PTPRF: variants seen among roughly 807,000 people sequenced by gnomAD.
PTPRF encodes the protein protein tyrosine phosphatase receptor type F.
PTPRF carries 59 observed loss-of-function variants against 201.8 expected under a neutral mutation model. The ratio of observed to expected loss-of-function variants is 0.29; its 90% confidence interval spans 0.24 to 0.36. PTPRF has a LOEUF of 0.36. Among genes scored for constraint, PTPRF ranks in the 10% least tolerant of loss-of-function variants. The pLI, the probability that PTPRF is intolerant of heterozygous loss-of-function variation, is 1.00. For synonymous variants in PTPRF, 1,088 were observed against 1,089.7 expected, an observed-to-expected ratio of 1.00 and a Z score of 0.03; for missense variants, 2,132 against 2,690.5, an observed-to-expected ratio of 0.79 and a Z score of 4.59.
intron 8 of PTPRF, among the ~76,000 whole-genome samples, chr1:43,589,912 T>A (rs1650213159): frequency 6.6e-6 from 1 of 151,874 alleles, no homozygotes; most frequent in Admixed American, 6.5e-5. Context: ...CCGCTGCAAT[T>A]CTCAACAGCC....
At chr1:43,559,786 AGT>A (rs1003792029) in intron 5 of PTPRF, among the ~76,000 whole-genome samples, 8 of 127,976 alleles carry the variant, frequency 6.3e-5, no homozygotes, top group Non-Finnish European at 1.3e-4. Flanking sequence ...TGCAGCAGGC[AGT>A]GTGTTTATCA....
intron 19 of PTPRF, among the ~76,000 whole-genome samples, chr1:43,605,930 G>A (rs1032477078): frequency 2.0e-5 from 3 of 152,202 alleles, no homozygotes; most frequent in African/African-American, 7.2e-5. Flanking sequence ...GCTATGGAGG[G>A]CTTAGTGAGC....
intron 23 of PTPRF, 84 bp from the exon 24 acceptor site, chr1:43,617,361 A>C: frequency 6.4e-7 from 1 of 1,568,634 alleles, no homozygotes; most frequent in Non-Finnish European, 8.7e-7. Context: ...TGTGAGCATC[A>C]CCGGGAAGGC....
chr1:43,566,305 G>T (rs1646182935), intron 5 of PTPRF, among the ~76,000 whole-genome samples: 1 of 152,226 alleles, frequency 6.6e-6, no homozygotes, highest in African/African-American at 2.4e-5. Context: ...GGTTGCCCAT[G>T]TACCTCATAA....
rs200479412 is a variant in PTPRF, at chr1:43,618,788, C to T, written c.4491+39C>T. On this transcript the variant is annotated intron_variant, in intron 26 of 33. Transcript: ENST00000359947. ...CCAGTGCATATCTCTTACCCAGACA[C>T]TGTAAGGACAGTGGCCTGGGTGTGG... is the stretch of plus-strand genomic sequence containing the variant. 23 of 1,581,860 alleles carry T rather than the reference C, an allele frequency of 1.5e-5. No individual in the cohort carries two copies. In the East Asian group the frequency reaches 5.2e-4, roughly 36 times the overall value.
chr1:43,598,773 G>C lies in PTPRF; in HGVS notation c.2173G>C (p.Val725Leu). 6.2e-7 allele frequency: 1 copy of C among 1,614,208 alleles called. No homozygotes were observed. Among genetic ancestry groups the C allele is most frequent in the Non-Finnish European group, 8.5e-7 (1 of 1,180,022 alleles). ...GGTGGAGCCACTGAACTCCACTGCT[G>C]TGCATGTCTACTGGAAGCTGCCTGT... is the stretch of plus-strand genomic sequence containing the variant. ...VEVEPLNSTAVHVYWKLPVPS... is the reference protein window; with the variant it reads ...VEVEPLNSTALHVYWKLPVPS... Residue 725 changes from valine (V) to leucine (L), a missense_variant, in exon 13 of 34, where the codon GTG (valine) becomes CTG (leucine). Coordinates refer to ENST00000359947, the MANE Select transcript of PTPRF (RefSeq NM_002840.5).
chr1:43,578,527 G>T (rs1052582829), intron 6 of PTPRF, among the ~76,000 whole-genome samples: 1 of 152,174 alleles, frequency 6.6e-6, no homozygotes, highest in South Asian at 2.1e-4. Flanking sequence ...AAACTGAATG[G>T]AGCTGGGGGT....
chr1:43,573,298 C>T (rs1272434396), intron 6 of PTPRF, among the ~76,000 whole-genome samples: 2 of 152,188 alleles, frequency 1.3e-5, no homozygotes, highest in East Asian at 3.8e-4. Flanking sequence ...CGAGCCTGGA[C>T]AGGGCTTGAG....
intron 5 of PTPRF, among the ~76,000 whole-genome samples, chr1:43,568,210 G>A (rs1271881970): frequency 6.6e-6 from 1 of 151,832 alleles, no homozygotes; most frequent in African/African-American, 2.4e-5. Context: ...CAGGAGAATT[G>A]CTTGAACCCA....
upstream of PTPRF, among the ~76,000 whole-genome samples, chr1:43,523,091 G>T (rs577991612): frequency 6.6e-6 from 1 of 152,294 alleles, no homozygotes; most frequent in East Asian, 1.9e-4. Flanking sequence ...TGCTCTGGAG[G>T]TAAAATGAAC....
chr1:43,540,716 G>C (rs562560835), intron 2 of PTPRF, among the ~76,000 whole-genome samples: 2 of 152,194 alleles, frequency 1.3e-5, no homozygotes, highest in Admixed American at 6.5e-5. Flanking sequence ...TGGGAGCCCC[G>C]ATACCAGCCG....
At chr1:43,555,635 G>A (rs1645315821) in intron 5 of PTPRF, among the ~76,000 whole-genome samples, 3 of 151,822 alleles carry the variant, frequency 2.0e-5, no homozygotes, top group Admixed American at 6.6e-5. Flanking sequence ...TAGTAAAGAC[G>A]GGGTTTCACC....
intron 3 of PTPRF, among the ~76,000 whole-genome samples, chr1:43,545,420 C>T (rs1244495072): frequency 6.6e-6 from 1 of 152,088 alleles, no homozygotes; most frequent in African/African-American, 2.4e-5. Context: ...TGGGGTGAGA[C>T]CTGTCCTGGA....
At chr1:43,584,041 G>A (rs1557770012) in intron 7 of PTPRF, among the ~76,000 whole-genome samples, 3 of 152,210 alleles carry the variant, frequency 2.0e-5, no homozygotes, top group Non-Finnish European at 2.9e-5. Context: ...AGGGTTTCCT[G>A]GAGACTGTCC....
rs138093418 is a variant in PTPRF at position 43,606,301 on chromosome 1, G to A, written c.3545G>A (p.Arg1182His). 1.9e-5 allele frequency: 31 copies of A among 1,613,936 alleles called. No homozygotes were observed. The highest frequency in any genetic ancestry group is 1.8e-4 in the Admixed American group (11 of 60,010). The change falls in exon 20 of 34, where the codon CGT becomes CAT. Residue 1182 changes from arginine (R) to histidine (H), a missense_variant. Arg to His is a conservative substitution (Grantham distance 29). Transcript: ENST00000359947. ...CGGCGGCGGCGGCGGCAGGCAGAAC[G>A]TCTGAAGCCATATGTGGCTGCTCAA... The part of the protein sequence containing the change: ...EQRRRRRQAE[R>H]LKPYVAAQLD...
At chr1:43,572,507 C>G (rs1040827448) in intron 6 of PTPRF, among the ~76,000 whole-genome samples, 2 of 152,152 alleles carry the variant, frequency 1.3e-5, no homozygotes, top group African/African-American at 4.8e-5. Context: ...TAACTGGGCT[C>G]TCTCCCCTCC....
At chr1:43,529,812 C>T (rs1643295326), upstream of PTPRF, among the ~76,000 whole-genome samples, 1 of 152,096 alleles carries the variant, frequency 6.6e-6, no homozygotes, top group South Asian at 2.1e-4. Flanking sequence ...TTGGTTTCAC[C>T]CAGAAATTTC....
chr1:43,535,116 G>T (rs944807400), intron 1 of PTPRF, among the ~76,000 whole-genome samples: 3 of 152,150 alleles, frequency 2.0e-5, no homozygotes, highest in African/African-American at 7.2e-5. Context: ...AGACTGCTAA[G>T]GTTAGGGTCC....
In PTPRF at chr1:43,603,083, C is replaced by A. The variant is rs547143668; in HGVS notation, c.2341-333C>A. 2.6e-5 allele frequency among the ~76,000 whole-genome samples: 4 copies of A among 152,254 alleles called. No individual in the cohort carries two copies. Among genetic ancestry groups the A allele is most frequent in the African/African-American group, 4.8e-5 (2 of 41,552 alleles). The stretch of plus-strand genomic sequence containing the variant: ...CAAGAGCCACGCAAGGTGCTGGGTG[C>A]GTGCGAGGCTGTGCCCTGTTGATAT... On this transcript the variant is annotated intron_variant, in intron 14 of 33. Transcript: ENST00000359947. This position sits in a 1 kb window ranked among gnomAD's most constrained non-coding sequence, Gnocchi z 5.8.
Sources: allele counts gnomAD v4.1 joint callset (sites outside exome capture counted in the v4.1 genomes callset), GRCh38; gene constraint gnomAD v4.1.1; non-coding constraint Gnocchi (gnomAD v3.1); transcripts MANE v1.5; gene names NCBI Gene and HGNC (gene_info 2026-07-23, HGNC 2026-07-21).